Variants in GCNT2 observed in about 807,000 individuals in gnomAD.
The protein encoded by GCNT2 is N-acetyllactosaminide beta-1,6-N-acetylglucosaminyl-transferase.
In GCNT2, 34 loss-of-function variants were observed where a neutral mutation model predicts 34.2. The ratio of observed to expected loss-of-function variants is 1.00; its 90% CI spans 0.76 to 1.32. The LOEUF (loss-of-function observed/expected upper bound fraction) is 1.32, where lower values mean the gene tolerates loss of function less well. Among genes scored for constraint, GCNT2 ranks in the 40% most tolerant of loss-of-function variants. The pLI is 0.00. For synonymous variants in GCNT2, 212 were observed against 188.0 expected, an observed-to-expected ratio of 1.13 and a Z score of -1.04; for missense variants, 584 against 489.4, an observed-to-expected ratio of 1.19 and a Z score of -1.82.
chr6:10,570,343 G>C (rs1763502966), intron 3 of GCNT2, among the ~76,000 whole-genome samples: 1 of 152,222 alleles, frequency 6.6e-6, no homozygotes, highest in Non-Finnish European at 1.5e-5. Context: ...CTGGAGAATG[G>C]ATGGATGGGA....
chr6:10,619,919 A>T (rs1355594349), intron 3 of GCNT2, among the ~76,000 whole-genome samples: 1 of 152,172 alleles, frequency 6.6e-6, no homozygotes, highest in African/African-American at 2.4e-5. Context: ...ATCTTCAAAC[A>T]GCAAAGGCAG....
chr6:10,532,267 A>G (rs913439282), intron 3 of GCNT2, among the ~76,000 whole-genome samples: 4 of 152,150 alleles, frequency 2.6e-5, no homozygotes, highest in Non-Finnish European at 5.9e-5. Context: ...TATCTATTGG[A>G]GCTGGATTTT....
intron 3 of GCNT2, among the ~76,000 whole-genome samples, chr6:10,602,839 C>A (rs1337893565): frequency 6.6e-6 from 1 of 152,116 alleles, no homozygotes; most frequent in South Asian, 2.1e-4. Flanking sequence ...CTGGTGGAGT[C>A]ATTAAGAACT....
chr6:10,530,932 T>G (rs1761457420), intron 3 of GCNT2, among the ~76,000 whole-genome samples: 1 of 150,948 alleles, frequency 6.6e-6, no homozygotes, highest in African/African-American at 2.4e-5. Flanking sequence ...CGCATGCCTG[T>G]AATCCCAGCT....
intron 3 of GCNT2, among the ~76,000 whole-genome samples, chr6:10,549,431 T>A (rs894258050): frequency 6.6e-6 from 1 of 152,140 alleles, no homozygotes; most frequent in Non-Finnish European, 1.5e-5. Flanking sequence ...AGACATTGTA[T>A]TGTTGGTTTT....
chr6:10,626,650 G>A lies in GCNT2; in HGVS notation c.*43G>A, dbSNP rs371150329. On this transcript the variant is annotated 3_prime_UTR_variant, in exon 5 of 5. Transcript: ENST00000495262. ...CATGACTGAAGGGAAACTGCAGCTG[G>A]GAAGAGGAGCCTGTTTTTGTGAGAG... is the stretch of plus-strand genomic sequence containing the variant. The A allele has an allele frequency of 2.1e-5, 30 of 1,445,296 alleles. No individual in the cohort carries two copies. In the African/African-American group the frequency reaches 3.5e-4, roughly 17 times the overall value. The allele number at this position is 1,445,296 out of a possible 1,614,324, so 89.5% of individuals were successfully genotyped here.
chr6:10,524,314 G>A (rs59800087), intron 1 of GCNT2, among the ~76,000 whole-genome samples: 4 of 149,102 alleles, frequency 2.7e-5, no homozygotes, highest in Non-Finnish European at 5.9e-5. Context: ...GCGATGGCAC[G>A]ATCTCGGCTC....
At chr6:10,544,658 A>C (rs1581385182) in intron 3 of GCNT2, among the ~76,000 whole-genome samples, 1 of 150,902 alleles carries the variant, frequency 6.6e-6, no homozygotes, top group African/African-American at 2.4e-5. Context: ...AAATAAATAA[A>C]TGGGGCCGGG....
intron 3 of GCNT2, among the ~76,000 whole-genome samples, chr6:10,599,603 A>G (rs532548318): frequency 2.2e-4 from 33 of 152,148 alleles, no homozygotes; most frequent in Non-Finnish European, 3.7e-4. Flanking sequence ...ATTGAGAGCT[A>G]TGGTAGAATG....
chr6:10,610,050 CAGAG>C (rs769555206), intron 3 of GCNT2, among the ~76,000 whole-genome samples: 10 of 152,154 alleles, frequency 6.6e-5, no homozygotes, highest in African/African-American at 1.2e-4. Context: ...ATACTGCAGA[CAGAG>C]AGACCCACTG....
intron 3 of GCNT2, among the ~76,000 whole-genome samples, chr6:10,558,756 T>G (rs1762836334): frequency 6.6e-6 from 1 of 152,200 alleles, no homozygotes; most frequent in African/African-American, 2.4e-5. Context: ...CTCTGGAAAA[T>G]ACCATGCCTG....
chr6:10,616,665 C>G (rs1316907454), intron 3 of GCNT2, among the ~76,000 whole-genome samples: 1 of 152,156 alleles, frequency 6.6e-6, no homozygotes, highest in Non-Finnish European at 1.5e-5. Context: ...TAACTAGATA[C>G]AGAGTGCCGA....
chr6:10,523,921 C>G (rs1225418071), intron 1 of GCNT2, among the ~76,000 whole-genome samples: 1 of 140,174 alleles, frequency 7.1e-6, no homozygotes, highest in African/African-American at 2.7e-5. Context: ...TGCAGTGAGC[C>G]GAGATCGCGC....
chr6:10,591,415 A>T (rs950666821), intron 3 of GCNT2, among the ~76,000 whole-genome samples: 6 of 152,216 alleles, frequency 3.9e-5, no homozygotes, highest in African/African-American at 1.4e-4. Context: ...GGCCAGGCCA[A>T]CAAATGATAT....
rs61490868 is a variant in GCNT2 at position 10,579,826 on chromosome 6, CAAAA to C, written c.926-41506_926-41503del. Among the ~76,000 whole-genome samples, 252 of 89,920 alleles carry C rather than the reference CAAAA, an allele frequency of 2.8e-3. 2 individuals are homozygous for C. Among genetic ancestry groups the C allele is most frequent in the African/African-American group, 0.011 (229 of 20,884 alleles). The allele number at this position is 89,920 out of a possible 152,430, so 59.0% of individuals were successfully genotyped here. On this transcript the variant is annotated intron_variant, in intron 3 of 4. Coordinates refer to ENST00000495262, the MANE Select transcript of GCNT2 (RefSeq NM_145649.5). ...GCGAGACTCCATCTCAAAAAACAAA[CAAAA>C]AAAAAAAAAAAAAAAAAACAAGTAA... is the stretch of plus-strand genomic sequence containing the variant.
intron 3 of GCNT2, among the ~76,000 whole-genome samples, chr6:10,579,826 C>CAAACAAAA (rs1477297545): frequency 1.1e-5 from 1 of 89,912 alleles, no homozygotes; most frequent in African/African-American, 4.8e-5. Context: ...AAAAAACAAA[C>CAAACAAAA]AAAAAAAAAA....
At chr6:10,614,047 G>A (rs1026705365) in intron 3 of GCNT2, among the ~76,000 whole-genome samples, 1 of 152,146 alleles carries the variant, frequency 6.6e-6, no homozygotes, top group African/African-American at 2.4e-5. Context: ...GTAGCTTTGG[G>A]ATCTCCATGT....
chr6:10,554,129 C>A (rs181642080), intron 3 of GCNT2, among the ~76,000 whole-genome samples: 32 of 152,232 alleles, frequency 2.1e-4, no homozygotes, highest in Admixed American at 1.7e-3. Context: ...TGTTCAGTCT[C>A]AGTAGCAAAA....
rs200314522 is a variant in GCNT2 at position 10,586,684 on chromosome 6, T to C, written c.926-34667T>C. 3.7e-6 allele frequency: 6 copies of C among 1,614,104 alleles called. No individual in the cohort carries two copies. In the East Asian group the frequency reaches 6.7e-5, roughly 18 times the overall value. ...CATGCAATTAAGCGAACTAAATATG[T>C]CCACCAAGAGCATACAGATAAAGGT... On this transcript the variant is annotated intron_variant, in intron 3 of 4. Coordinates refer to ENST00000495262, the MANE Select transcript of GCNT2 (RefSeq NM_145649.5).
Sources: allele counts gnomAD v4.1 joint callset (sites outside exome capture counted in the v4.1 genomes callset), GRCh38; gene constraint gnomAD v4.1.1; transcripts MANE v1.5; gene names NCBI Gene and HGNC (gene_info 2026-07-23, HGNC 2026-07-21).